CATSPERB: variants seen among roughly 807,000 people sequenced by gnomAD.
CATSPERB encodes cation channel sperm-associated auxiliary subunit beta.
Under a neutral mutation model 128.3 loss-of-function variants are expected in CATSPERB, and 93 were observed. That is an observed-to-expected ratio of 0.72 (90% CI 0.61 to 0.86). The LOEUF is 0.86. CATSPERB is among the 40% of genes least tolerant of loss of function. The pLI, the probability that CATSPERB is intolerant of heterozygous loss-of-function variation, is 0.00. For missense variants in CATSPERB, 1,153 were observed against 1,329.5 expected (o/e 0.87, Z 2.06); for synonymous variants, 381 against 448.8 (o/e 0.85, Z 1.91).
intron 9 of CATSPERB, among the ~76,000 whole-genome samples, chr14:91,691,960 C>G (rs562090778): frequency 1.3e-5 from 2 of 152,054 alleles, no homozygotes; most frequent in Non-Finnish European, 2.9e-5. Flanking sequence ...AGGCGGATCA[C>G]GAGGTCAGGA....
intron 10 of CATSPERB, among the ~76,000 whole-genome samples, chr14:91,691,213 A>G (rs11847698): frequency 0.015 from 2,224 of 152,288 alleles, 53 homozygotes; most frequent in African/African-American, 0.05. Context: ...TGCAGAATCC[A>G]AACTGAACAA....
chr14:91,584,304 AG>A (rs1893259185), intron 26 of CATSPERB, among the ~76,000 whole-genome samples: 1 of 151,934 alleles, frequency 6.6e-6, no homozygotes, highest in South Asian at 2.1e-4. Flanking sequence ...CCTGACCTCA[AG>A]TGATCTACCC....
chr14:91,686,731 C>T (rs1457822626), intron 10 of CATSPERB, among the ~76,000 whole-genome samples: 2 of 152,110 alleles, frequency 1.3e-5, no homozygotes, highest in Non-Finnish European at 2.9e-5. Flanking sequence ...GTATTTATCC[C>T]TTGATCTCCC....
chr14:91,713,433 G>A (rs891762362), intron 5 of CATSPERB, among the ~76,000 whole-genome samples: 2 of 152,048 alleles, frequency 1.3e-5, no homozygotes, highest in African/African-American at 4.8e-5. Context: ...ATGAACCCTT[G>A]CAAGACTAAT....
chr14:91,687,025 T>C (rs182474729), intron 10 of CATSPERB, among the ~76,000 whole-genome samples: 1 of 152,292 alleles, frequency 6.6e-6, no homozygotes. Context: ...TAATTTAGCA[T>C]ACTTTGTATA....
At chr14:91,719,755 C>T (rs1412115446) in intron 4 of CATSPERB, among the ~76,000 whole-genome samples, 2 of 152,122 alleles carry the variant, frequency 1.3e-5, no homozygotes, top group Admixed American at 6.6e-5. Flanking sequence ...TAGTGGAACT[C>T]TGTACAGCCA....
At chr14:91,610,829 A>T in intron 20 of CATSPERB, 152 bp from the exon 21 acceptor site, 5 of 693,368 alleles carry the variant, frequency 7.2e-6, no homozygotes, top group Non-Finnish European at 1.2e-5. Context: ...TAATTAAGGT[A>T]AAATGAGGTC....
intron 23 of CATSPERB, among the ~76,000 whole-genome samples, chr14:91,590,243 A>G (rs1595136594): frequency 6.6e-6 from 1 of 152,178 alleles, no homozygotes; most frequent in East Asian, 1.9e-4. Flanking sequence ...AATTTACAGA[A>G]TGCTGGCTAG....
At chr14:91,673,041 T>G (rs1285301680) in intron 12 of CATSPERB, 25 bp from the exon 13 acceptor site, 10 of 1,545,240 alleles carry the variant, frequency 6.5e-6, no homozygotes, top group Non-Finnish European at 8.7e-6. Context: ...AGGGAAAAAT[T>G]AATGCTGTTT....
At chr14:91,704,918 G>A (rs1689633765) in intron 6 of CATSPERB, among the ~76,000 whole-genome samples, 1 of 152,218 alleles carries the variant, frequency 6.6e-6, no homozygotes, top group African/African-American at 2.4e-5. Context: ...GGCTGGCAAG[G>A]TTACATTGCA....
intron 20 of CATSPERB, among the ~76,000 whole-genome samples, chr14:91,615,014 T>G (rs1039187086): frequency 3.3e-5 from 5 of 152,142 alleles, no homozygotes; most frequent in Admixed American, 3.3e-4. Context: ...CAATACTATA[T>G]TATTAACTAT....
At chr14:91,588,433 C>T (rs1893341773) in intron 24 of CATSPERB, among the ~76,000 whole-genome samples, 1 of 152,094 alleles carries the variant, frequency 6.6e-6, no homozygotes, top group Non-Finnish European at 1.5e-5. Context: ...TCAGTCCTGA[C>T]CTGCACGTGC....
At chr14:91,598,519 A>G (rs1473452486) in intron 22 of CATSPERB, among the ~76,000 whole-genome samples, 1 of 152,246 alleles carries the variant, frequency 6.6e-6, no homozygotes, top group Non-Finnish European at 1.5e-5. Flanking sequence ...GTCATGATTT[A>G]AAGTTATGAA....
intron 26 of CATSPERB, among the ~76,000 whole-genome samples, chr14:91,582,595 C>T: frequency 6.6e-6 from 1 of 152,126 alleles, no homozygotes; most frequent in South Asian, 2.1e-4. Flanking sequence ...ATATACCTAC[C>T]CTTCCTAATT....
Position 91,624,816 on chromosome 14 carries a change from C to G in CATSPERB, c.1930+4G>C, listed in dbSNP as rs1433688019. 1 of 1,577,780 alleles carries G rather than the reference C, an allele frequency of 6.3e-7. No homozygotes were observed. Among genetic ancestry groups the G allele is most frequent in the Non-Finnish European group, 8.6e-7 (1 of 1,166,210 alleles). ...TCAGAGATGTATGATATTATTATAC[C>G]TACCTTGTGAATCAAGAGTGAGTTT... is the stretch of plus-strand genomic sequence containing the variant. On this transcript the variant is annotated splice_donor_region_variant and intron_variant, in intron 18 of 26. Coordinates refer to ENST00000256343, the MANE Select transcript of CATSPERB (RefSeq NM_024764.4).
intron 14 of CATSPERB, among the ~76,000 whole-genome samples, chr14:91,664,553 T>A (rs543667079): frequency 1.3e-5 from 2 of 152,010 alleles, no homozygotes; most frequent in African/African-American, 2.4e-5. Context: ...GTCTTCCATG[T>A]CTTTTACATG....
chr14:91,629,299 A>G (rs928416623), intron 17 of CATSPERB, among the ~76,000 whole-genome samples: 8 of 152,250 alleles, frequency 5.3e-5, no homozygotes, highest in Non-Finnish European at 1.0e-4. Context: ...GATTCAAACT[A>G]TATGACATTC....
At chr14:91,668,809 G>A (rs566004636) in intron 14 of CATSPERB, among the ~76,000 whole-genome samples, 75 of 152,202 alleles carry the variant, frequency 4.9e-4, no homozygotes, top group Non-Finnish European at 6.2e-4. Flanking sequence ...GCGAGACCAC[G>A]CACCCACCAG....
chr14:91,687,504 A>G (rs921131418), intron 10 of CATSPERB, among the ~76,000 whole-genome samples: 4 of 152,190 alleles, frequency 2.6e-5, no homozygotes, highest in Non-Finnish European at 4.4e-5. Flanking sequence ...TGAACCAGGA[A>G]GGCAGCCCTC....
Sources: allele counts gnomAD v4.1 joint callset (sites outside exome capture counted in the v4.1 genomes callset), GRCh38; gene constraint gnomAD v4.1.1; transcripts MANE v1.5; gene names NCBI Gene and HGNC (gene_info 2026-07-23, HGNC 2026-07-21).